Variants in AMN1 observed in about 807,000 individuals in gnomAD.
AMN1 encodes protein AMN1 homolog.
In AMN1, 20 loss-of-function variants were observed where a neutral mutation model predicts 33.0. The ratio of observed to expected loss-of-function variants is 0.61; its 90% CI spans 0.43 to 0.88. AMN1 has a LOEUF of 0.88. AMN1 is among the 40% of genes least tolerant of loss of function. AMN1 has a pLI of 0.00. For missense variants in AMN1, 246 were observed against 307.4 expected, an observed-to-expected ratio of 0.80 and a Z score of 1.49; for synonymous variants, 114 against 111.9, an observed-to-expected ratio of 1.02 and a Z score of -0.12.
intron 1 of AMN1, among the ~76,000 whole-genome samples, chr12:31,720,399 G>T (rs1263177216): frequency 3.9e-5 from 6 of 152,184 alleles, no homozygotes. Context: ...AATTAGCCGG[G>T]TGTGGTGGCA....
intron 6 of AMN1, among the ~76,000 whole-genome samples, chr12:31,679,154 A>G (rs1460164051): frequency 1.3e-5 from 2 of 152,078 alleles, no homozygotes; most frequent in African/African-American, 4.8e-5. Flanking sequence ...TTTATAAATA[A>G]ATAAATAAAT....
chr12:31,724,628 G>C (rs1405489279), intron 1 of AMN1, among the ~76,000 whole-genome samples: 1 of 152,160 alleles, frequency 6.6e-6, no homozygotes, highest in Non-Finnish European at 1.5e-5. Context: ...TTTGCTTTAT[G>C]CAAGATTTCA....
rs1592142112 is a variant in AMN1, at chr12:31,672,355, C to T, written c.726G>A (p.Glu242=). 6.3e-7 allele frequency: 1 copy of T among 1,576,760 alleles called. No homozygotes were observed. The highest frequency in any genetic ancestry group is 8.6e-7 in the Non-Finnish European group (1 of 1,159,136). Residue 242 remains glutamate (E), a synonymous_variant, in exon 7 of 7, where the codon GAG becomes GAA. Coordinates refer to ENST00000281471, the MANE Select transcript of AMN1 (RefSeq NM_001113402.2). Reference sequence around the variant, plus strand: ...TTAGTTTGTTTGGGCCTACTAATTGCTCCAACACTTCTCGGGAATGATCTA... The same window carrying T: ...TTAGTTTGTTTGGGCCTACTAATTGTTCCAACACTTCTCGGGAATGATCTA... ...LITDHSREVL[E]QLVGPNKLKQ...
intron 5 of AMN1, 41 bp from the exon 6 acceptor site, chr12:31,689,159 G>T (rs752815288): frequency 1.5e-6 from 2 of 1,348,982 alleles, no homozygotes; most frequent in Non-Finnish European, 2.1e-6. Context: ...TGAAAACAAA[G>T]ATCTATAATA....
chr12:31,704,155 TA>T (rs1469433724), intron 2 of AMN1, among the ~76,000 whole-genome samples: 1 of 152,224 alleles, frequency 6.6e-6, no homozygotes, highest in Non-Finnish European at 1.5e-5. Context: ...ACTGTCCGTC[TA>T]AAAGGTTTTT....
chr12:31,675,034 AAAG>A (rs1455468087), intron 6 of AMN1, among the ~76,000 whole-genome samples: 1 of 151,386 alleles, frequency 6.6e-6, no homozygotes, highest in African/African-American at 2.4e-5. Context: ...AAAAAAAAAA[AAAG>A]AAACACCAGT....
chr12:31,725,103 G>A (rs1240848101), intron 1 of AMN1, among the ~76,000 whole-genome samples: 1 of 152,186 alleles, frequency 6.6e-6, no homozygotes, highest in East Asian at 1.9e-4. Context: ...AGTGGCGAAT[G>A]GGTAAGGATT....
intron 3 of AMN1, among the ~76,000 whole-genome samples, chr12:31,700,000 G>A (rs1938919420): frequency 6.6e-6 from 1 of 152,182 alleles, no homozygotes; most frequent in South Asian, 2.1e-4. Context: ...TTTTTTGTGA[G>A]TTATTATTTA....
chr12:31,708,157 G>A (rs994475527), intron 2 of AMN1, among the ~76,000 whole-genome samples: 3 of 152,182 alleles, frequency 2.0e-5, no homozygotes, highest in Non-Finnish European at 4.4e-5. Flanking sequence ...CAGGCAAAAA[G>A]AGCCATATTT....
chr12:31,705,031 T>C (rs1291277461), intron 2 of AMN1, among the ~76,000 whole-genome samples: 1 of 152,200 alleles, frequency 6.6e-6, no homozygotes, highest in East Asian at 1.9e-4. Context: ...GGAGATATTA[T>C]TCTACTTCCA....
Position 31,709,374 on chromosome 12 carries a change from C to CT in AMN1, c.89dup (p.Pro31AlafsTer12). On this transcript the variant is annotated frameshift_variant, in exon 2 of 7. Transcript: ENST00000281471. LOFTEE classifies it high-confidence loss of function. ...TGTCTTTTATGTTGGGAGGCAAAGG[C>CT]TTAATGTCTGTGAGATATCTGGAAA... is the stretch of plus-strand genomic sequence containing the variant. 1 of 1,613,858 alleles carries CT rather than the reference C, an allele frequency of 6.2e-7. No individual in the cohort carries two copies. Among genetic ancestry groups the CT allele is most frequent in the Non-Finnish European group, 8.5e-7 (1 of 1,179,824 alleles).
At chr12:31,709,043 T>G in intron 2 of AMN1, 1 of 509,016 alleles carries the variant, frequency 2.0e-6, no homozygotes, top group Non-Finnish European at 3.7e-6. Flanking sequence ...CCAGGCATGG[T>G]GGTGTACACC....
chr12:31,694,442 C>CA (rs71062451), intron 5 of AMN1, among the ~76,000 whole-genome samples: 56,421 of 116,622 alleles, frequency 0.48, 13,347 homozygotes, highest in Admixed American at 0.57. Flanking sequence ...AACTCTGTCT[C>CA]AAAAAAAAAA....
At chr12:31,726,239 G>A (rs1565785173) in intron 1 of AMN1, among the ~76,000 whole-genome samples, 1 of 147,716 alleles carries the variant, frequency 6.8e-6, no homozygotes, top group East Asian at 2.0e-4. Flanking sequence ...TCGGCTCACC[G>A]CAACCTCTGC....
At chr12:31,726,231 G>A (rs986142445) in intron 1 of AMN1, among the ~76,000 whole-genome samples, 4 of 148,882 alleles carry the variant, frequency 2.7e-5, no homozygotes, top group African/African-American at 9.9e-5. Flanking sequence ...GTGCAAGCTC[G>A]GCTCACCGCA....
chr12:31,718,400 G>A (rs1305777267), intron 1 of AMN1, among the ~76,000 whole-genome samples: 1 of 152,026 alleles, frequency 6.6e-6, no homozygotes, highest in African/African-American at 2.4e-5. Context: ...CCAACCTTCT[G>A]AAGCCTACTT....
rs74085141 is a variant in AMN1 at position 31,686,735 on chromosome 12, T to C, written c.703+2272A>G. Among the ~76,000 whole-genome samples the C allele has an allele frequency of 8.4e-3, 1,272 of 152,284 alleles. 17 individuals are homozygous for C. The highest frequency in any genetic ancestry group is 0.029 in the African/African-American group (1,200 of 41,562). ...TTATACTGAAAGTGAAAAAAATGCT[T>C]GCACAGGTTCTTGAAGTATGGCTTC... On this transcript the variant is annotated intron_variant, in intron 6 of 6. Transcript: ENST00000281471.
intron 2 of AMN1, among the ~76,000 whole-genome samples, chr12:31,704,602 C>A (rs1277430489): frequency 6.6e-6 from 1 of 151,682 alleles, no homozygotes; most frequent in Non-Finnish European, 1.5e-5. Context: ...TTAAAAAGGC[C>A]TTCTCCATCC....
In AMN1 at chr12:31,699,395, CAAAAAAAAA is replaced by C. The variant is rs34860207; in HGVS notation, c.317-1447_317-1439del. Among the ~76,000 whole-genome samples, 18 of 36,874 alleles carry C rather than the reference CAAAAAAAAA, an allele frequency of 4.9e-4. 1 individual carries two copies. In the South Asian group the frequency reaches 8.5e-3, roughly 17 times the overall value. The allele number at this position is 36,874 out of a possible 152,430, so 24.2% of individuals were successfully genotyped here. On this transcript the variant is annotated intron_variant, in intron 3 of 6. Coordinates refer to ENST00000281471, the MANE Select transcript of AMN1 (RefSeq NM_001113402.2). ...TGGGCAATATGGTGAGACTCTGTCT[CAAAAAAAAA>C]AAAAAAAAAAAAAAAAAGAAAGAAA...
Sources: gnomAD v4.1 joint callset for allele counts (sites outside exome capture counted in the v4.1 genomes callset) on GRCh38, gnomAD v4.1.1 for gene constraint, MANE v1.5 for transcripts, NCBI Gene and HGNC (gene_info 2026-07-23, HGNC 2026-07-21) for gene names.